The following AHNAK variants were observed in gnomAD, a reference collection of about 807,000 sequenced individuals.
The protein encoded by AHNAK is neuroblast differentiation-associated protein AHNAK.
A neutral mutation model predicts 37.8 loss-of-function variants in AHNAK; 23 were observed. That is an observed-to-expected ratio of 0.61 (90% CI 0.44 to 0.86). AHNAK has a LOEUF of 0.86. AHNAK is among the 40% of genes least tolerant of loss of function. The pLI is 0.00. For synonymous variants in AHNAK, 2,481 were observed against 2,636.3 expected (o/e 0.94, Z 1.80); for missense variants, 7,411 against 7,319.4 (o/e 1.01, Z -0.46).
At chr11:62,469,463 G>A in intron 5 of AHNAK, among the ~76,000 whole-genome samples, 1 of 142,016 alleles carries the variant, frequency 7.0e-6, no homozygotes, top group Middle Eastern at 3.4e-3. Context: ...TGTAATTTTT[G>A]TTTGTTTGTT....
chr11:62,522,593 T>C lies in AHNAK; in HGVS notation c.11824A>G (p.Met3942Val). The part of the protein sequence containing the change: ...MPKIKMPKIS[M>V]PGFKGEGPEV... ...GGACCTTCTCCTTTGAAGCCAGGCA[T>C]GCTGATCTTGGGCATTTTTATCTTA... Residue 3942 changes from methionine (M) to valine (V), a missense_variant, in exon 5 of 5, where the codon ATG becomes GTG. Met to Val is a conservative substitution (Grantham distance 21). Transcript: ENST00000378024. The C allele has an allele frequency of 6.2e-7, 1 of 1,611,822 alleles. No homozygotes were observed.
In AHNAK at chr11:62,489,673, G is replaced by C. The variant is rs377554299; in HGVS notation, c.442+2059C>G. On this transcript the variant is annotated intron_variant, in intron 5 of 5. Transcript: ENST00000257247. ...ACGGGGATGGAGAGACAGGGAGAGG[G>C]GGAGTGGAGGGGAGCCCAGATGTGC... Among the ~76,000 whole-genome samples, 18 of 152,252 alleles carry C rather than the reference G, an allele frequency of 1.2e-4. 1 individual carries two copies. In the East Asian group the frequency reaches 2.5e-3, roughly 21 times the overall value.
intron 5 of AHNAK, among the ~76,000 whole-genome samples, chr11:62,448,759 C>T (rs1440588558): frequency 1.3e-5 from 2 of 152,180 alleles, no homozygotes; most frequent in African/African-American, 4.8e-5. Flanking sequence ...GAATTGTCAA[C>T]CTACAGATGG....
intron 4 of AHNAK, among the ~76,000 whole-genome samples, chr11:62,499,528 G>A (rs1225169093): frequency 6.6e-6 from 1 of 152,144 alleles, no homozygotes; most frequent in African/African-American, 2.4e-5. Flanking sequence ...TCCAGCCTGG[G>A]CAACAGAGCA....
At position 62,525,144 on chromosome 11, in the gene AHNAK, G is replaced by A; in HGVS notation, c.9273C>T (p.Ile3091=). ...GGTTAAGATCAATGTCAGGCATGGAGATCTTGGGGGCTTTGATGTTCATCT... is the reference window on the plus strand; with the variant it reads ...GGTTAAGATCAATGTCAGGCATGGAAATCTTGGGGGCTTTGATGTTCATCT... The part of the protein sequence containing the change: ...MPEMNIKAPK[I]SMPDIDLNLK... The change falls in exon 5 of 5, where the codon ATC becomes ATT. Residue 3091 remains isoleucine (I), a synonymous_variant. Transcript: ENST00000378024. The A allele has an allele frequency of 6.2e-7, 1 of 1,613,804 alleles. No homozygotes were observed.
chr11:62,441,216 A>G (rs1179797680), intron 5 of AHNAK, among the ~76,000 whole-genome samples: 4 of 151,616 alleles, frequency 2.6e-5, no homozygotes, highest in South Asian at 2.1e-4. Context: ...TGGCCAGGCT[A>G]GTCTCGAACT....
In AHNAK at chr11:62,530,379, A is replaced by G. The variant is rs1485193976; in HGVS notation, c.4038T>C (p.Pro1346=). 1 of 1,613,470 alleles carries G rather than the reference A, an allele frequency of 6.2e-7. No individual in the cohort carries two copies. Among genetic ancestry groups the G allele is most frequent in the East Asian group, 2.2e-5 (1 of 44,824 alleles). ...KLKGDVDVSL[P]EVEGEMKVPD... ...GCACTTTCATTTCACCTTCTACCTCAGGCAAGGACACATCCACATCTCCCT... is the reference window on the plus strand; with the variant it reads ...GCACTTTCATTTCACCTTCTACCTCGGGCAAGGACACATCCACATCTCCCT... The change falls in exon 5 of 5, where the codon CCT becomes CCC. Residue 1346 remains proline (P), a synonymous_variant. Transcript: ENST00000378024.
At position 62,515,919 on chromosome 11, in the gene AHNAK, C is replaced by T. The variant is rs533785059; in HGVS notation, c.*825G>A. 1 of 1,152,348 alleles carries T rather than the reference C, an allele frequency of 8.7e-7. No individual in the cohort carries two copies. Among genetic ancestry groups the T allele is most frequent in the South Asian group, 1.9e-5 (1 of 53,308 alleles). 71.4% of individuals were successfully genotyped at this position (1,152,348 alleles called of 1,614,324 possible). On this transcript the variant is annotated 3_prime_UTR_variant, in exon 5 of 5. Coordinates refer to ENST00000378024, the MANE Select transcript of AHNAK (RefSeq NM_001620.3). ...ACAAGACATCAAGGTTAATAAACAG[C>T]TTTATTTGCCTTGTACAGCATCAAT... is the stretch of plus-strand genomic sequence containing the variant.
chr11:62,501,578 T>G (rs188751861), intron 4 of AHNAK, among the ~76,000 whole-genome samples: 29 of 152,176 alleles, frequency 1.9e-4, no homozygotes, highest in African/African-American at 3.4e-4. Context: ...AAAAATAAAA[T>G]AAAAGAACTT....
intron 1 of AHNAK, among the ~76,000 whole-genome samples, chr11:62,541,484 A>T (rs1162139548): frequency 6.6e-6 from 1 of 152,196 alleles, no homozygotes; most frequent in Non-Finnish European, 1.5e-5. Context: ...ATTCGGAACC[A>T]GGAGGAGAGG....
intron 4 of AHNAK, among the ~76,000 whole-genome samples, chr11:62,494,922 C>T (rs1259408348): frequency 6.6e-6 from 1 of 150,958 alleles, no homozygotes; most frequent in Non-Finnish European, 1.5e-5. Flanking sequence ...ATCGCTTGAA[C>T]CCAGAAGGCG....
chr11:62,536,236 C>T (rs1940943627), intron 2 of AHNAK, 138 bp from the exon 3 acceptor site: 3 of 897,974 alleles, frequency 3.3e-6, no homozygotes, highest in Non-Finnish European at 4.8e-6. Context: ...GCAGCTGGCT[C>T]ACCTGCCAGG....
chr11:62,482,733 G>C lies in AHNAK; in HGVS notation c.442+8999C>G, dbSNP rs765241192. ...CCCCAGAATGTCTCCATCTAGCATGGTAGAGACCACACCTGTCAAATTCAT... is the reference window on the plus strand; with the variant it reads ...CCCCAGAATGTCTCCATCTAGCATGCTAGAGACCACACCTGTCAAATTCAT... On this transcript the variant is annotated intron_variant, in intron 5 of 5. Coordinates refer to the AHNAK transcript ENST00000257247. Among the ~76,000 whole-genome samples the C allele has an allele frequency of 2.0e-5, 3 of 152,250 alleles. 1 individual carries two copies. Among genetic ancestry groups the C allele is most frequent in the South Asian group, 2.1e-4 (1 of 4,824 alleles).
At chr11:62,465,407 G>A (rs77004176) in intron 5 of AHNAK, among the ~76,000 whole-genome samples, 1 of 152,176 alleles carries the variant, frequency 6.6e-6, no homozygotes, top group Admixed American at 6.6e-5. Flanking sequence ...GAGGTCAGGA[G>A]TTTGAGACCA....
intron 5 of AHNAK, among the ~76,000 whole-genome samples, chr11:62,452,541 G>C (rs1451035650): frequency 6.6e-6 from 1 of 152,196 alleles, no homozygotes; most frequent in Non-Finnish European, 1.5e-5. Flanking sequence ...GGAGTTGTCA[G>C]AGCAGTCACC....
intron 4 of AHNAK, among the ~76,000 whole-genome samples, chr11:62,493,414 C>T (rs1056970549): frequency 6.6e-6 from 1 of 151,144 alleles, no homozygotes; most frequent in African/African-American, 2.4e-5. Context: ...CAACCTCTGC[C>T]TCCCGGGTTC....
rs755612181 is a variant in AHNAK, at chr11:62,533,863, G to A, written c.554C>T (p.Pro185Leu). The A allele has an allele frequency of 1.2e-6, 2 of 1,614,130 alleles. No individual in the cohort carries two copies. The highest frequency in any genetic ancestry group is 3.3e-5 in the Admixed American group (2 of 60,010). ...ISSPEFKIKIPRHELTEISNV... is the reference protein window; with the variant it reads ...ISSPEFKIKILRHELTEISNV... Reference sequence around the variant, plus strand: ...GGAGATTTCAGTCAGTTCATGTCTTGGAATCTTGATCTTGAATTCAGGGCT... The same window carrying A: ...GGAGATTTCAGTCAGTTCATGTCTTAGAATCTTGATCTTGAATTCAGGGCT... Residue 185 changes from proline (P) to leucine (L), a missense_variant, in exon 5 of 5, where the codon CCA (proline) becomes CTA (leucine). Transcript: ENST00000378024.
Position 62,524,561 on chromosome 11 carries a change from T to G in AHNAK, c.9856A>C (p.Met3286Leu), listed in dbSNP as rs758195264. Residue 3286 changes from methionine (M) to leucine (L), a missense_variant, in exon 5 of 5, where the codon ATG (methionine) becomes CTG (leucine). Physicochemically the swap from Met to Leu is conservative, Grantham distance 15 (BLOSUM62 2). Coordinates refer to ENST00000378024, the MANE Select transcript of AHNAK (RefSeq NM_001620.3). ...LKGPKLKMPD[M>L]HVNMPKISMP... ...GAGATCTTGGGCATGTTTACATGCA[T>G]GTCAGGCATCTTCAGTTTTGGACCT... 6.2e-7 allele frequency: 1 copy of G among 1,613,880 alleles called. No homozygotes were observed. Among genetic ancestry groups the G allele is most frequent in the East Asian group, 2.2e-5 (1 of 44,892 alleles).
rs1351352502 is a variant in AHNAK at position 62,517,329 on chromosome 11, T to A, written c.17088A>T (p.Gly5696=). 6.2e-7 allele frequency: 1 copy of A among 1,614,048 alleles called. No individual in the cohort carries two copies. The highest frequency in any genetic ancestry group is 8.5e-7 in the Non-Finnish European group (1 of 1,180,040). The change falls in exon 5 of 5, where the codon GGA becomes GGT. Residue 5696 remains glycine, a synonymous_variant. Transcript: ENST00000378024. ...CTTCAGACTCTTCCCACTCGCCGTC[T>A]CCAGCACCAGCTTGGATGCTGGCCT... ...KAEASIQAGA[G]DGEWEESEVK...
Sources: gnomAD v4.1 joint callset for allele counts (sites outside exome capture counted in the v4.1 genomes callset) on GRCh38, gnomAD v4.1.1 for gene constraint, MANE v1.5 for transcripts, NCBI Gene and HGNC (gene_info 2026-07-23, HGNC 2026-07-21) for gene names.